Variants in FBLN1 observed in about 807,000 individuals in gnomAD.
FBLN1 encodes the protein fibulin-1.
Under a neutral mutation model 89.7 loss-of-function variants are expected in FBLN1, and 34 were observed. The ratio of observed to expected loss-of-function variants is 0.38; its 90% CI spans 0.29 to 0.50. The LOEUF (loss-of-function observed/expected upper bound fraction) is 0.50, where lower values mean the gene tolerates loss of function less well. Ranked by LOEUF, FBLN1 falls within the 20% of genes least tolerant of loss-of-function variation. The pLI is 0.92. For synonymous variants in FBLN1, 393 were observed against 391.3 expected (o/e 1.00, Z -0.05); for missense variants, 777 against 988.1 (o/e 0.79, Z 2.86).
Position 45,532,842 on chromosome 22 carries a change from G to T in FBLN1, c.545-221G>T. 1 of 602,284 alleles carries T rather than the reference G, an allele frequency of 1.7e-6. No individual in the cohort carries two copies. The highest frequency in any genetic ancestry group is 2.8e-5 in the East Asian group (1 of 35,886). 37.3% of individuals were successfully genotyped at this position (602,284 alleles called of 1,614,324 possible). On this transcript the variant is annotated intron_variant, in intron 5 of 16. Transcript: ENST00000327858. The surrounding 1 kb of genome is among the most constrained non-coding windows in gnomAD (Gnocchi z 4.2). ...ACCCTGCACACCACCTGATTTTCCA[G>T]ACGGGGAGGTTGGGACCTGAAGCAG... is the stretch of plus-strand genomic sequence containing the variant.
rs904585906 is a variant in FBLN1, at chr22:45,502,973, T to TCGCCCGC, written c.-7_-1dup. ...TTTGTCCGCCGCCGCCCACCGCCCG[T>TCGCCCGC]CGCCCGCCGCCCATGGAGCGCGCCG... On this transcript the variant is annotated 5_prime_UTR_variant, in exon 1 of 17. Coordinates refer to ENST00000327858, the MANE Select transcript of FBLN1 (RefSeq NM_006486.3). The TCGCCCGC allele has an allele frequency of 6.9e-6, 8 of 1,162,574 alleles. No homozygotes were observed. The highest frequency in any genetic ancestry group is 6.5e-5 in the African/African-American group (4 of 61,246). 72.0% of individuals were successfully genotyped at this position (1,162,574 alleles called of 1,614,324 possible).
At position 45,576,071 on chromosome 22, in the gene FBLN1, C is replaced by T. The variant is rs377566407; in HGVS notation, c.1841-906C>T. Among the ~76,000 whole-genome samples, 20 of 152,170 alleles carry T rather than the reference C, an allele frequency of 1.3e-4. 1 individual carries two copies. In the East Asian group the frequency reaches 1.3e-3, roughly 10 times the overall value. ...GGGGGGAGGAGAGGCTCCCTCAGCA[C>T]GTGGTTGCCCAAGGAGCCGTCCCCA... On this transcript the variant is annotated intron_variant, in intron 15 of 16. Coordinates refer to ENST00000327858, the MANE Select transcript of FBLN1 (RefSeq NM_006486.3). The surrounding 1 kb of genome is among the most constrained non-coding windows in gnomAD (Gnocchi z 5.2).
rs2088848974 is a variant in FBLN1, at chr22:45,561,380, A to G, written c.1697+10765A>G. Among the ~76,000 whole-genome samples, 1 of 152,226 alleles carries G rather than the reference A, an allele frequency of 6.6e-6. No individual in the cohort carries two copies. On this transcript the variant is annotated intron_variant, in intron 14 of 16. Transcript: ENST00000327858. The surrounding 1 kb of genome is among the most constrained non-coding windows in gnomAD (Gnocchi z 4.7). ...TTTCATCACTTTGTCCACTAAACTT[A>G]GGAGCAACCAACCAGCTTCATTATG...
chr22:45,552,304 T>A (rs1195950563), intron 14 of FBLN1, among the ~76,000 whole-genome samples: 3 of 151,586 alleles, frequency 2.0e-5, no homozygotes, highest in African/African-American at 2.4e-5. Flanking sequence ...GCGGCGGGAG[T>A]ATGGACACAT....
rs113987114 is a variant in FBLN1, at chr22:45,534,884, A to G, written c.785-316A>G. Among the ~76,000 whole-genome samples, 224 of 152,334 alleles carry G rather than the reference A, an allele frequency of 1.5e-3. 2 individuals carry two copies. Among genetic ancestry groups the G allele is most frequent in the African/African-American group, 5.1e-3 (212 of 41,580 alleles). ...CACTAAGATAATTGCTTTATGATCTAAACTAAACATACACTTAGCCTGAAT... is the reference window on the plus strand; with the variant it reads ...CACTAAGATAATTGCTTTATGATCTGAACTAAACATACACTTAGCCTGAAT... On this transcript the variant is annotated intron_variant, in intron 7 of 16. Coordinates refer to ENST00000327858, the MANE Select transcript of FBLN1 (RefSeq NM_006486.3).
At position 45,574,214 on chromosome 22, in the gene FBLN1, G is replaced by A. The variant is rs2088974567; in HGVS notation, c.1698-297G>A. On this transcript the variant is annotated intron_variant, in intron 14 of 16. Coordinates refer to ENST00000327858, the MANE Select transcript of FBLN1 (RefSeq NM_006486.3). This position sits in a 1 kb window ranked among gnomAD's most constrained non-coding sequence, Gnocchi z 4.1. ...CCTGTGACTCTATTTTGCCATTGTA[G>A]CTATTGATGCTCAATTCGTGCAGTT... 6.6e-6 allele frequency among the ~76,000 whole-genome samples: 1 copy of A among 152,236 alleles called. No individual in the cohort carries two copies. The highest frequency in any genetic ancestry group is 1.5e-5 in the Non-Finnish European group (1 of 68,044).
intron 11 of FBLN1, 128 bp from the exon 12 acceptor site, chr22:45,546,957 C>A: frequency 6.8e-7 from 1 of 1,467,242 alleles, no homozygotes; most frequent in Non-Finnish European, 9.4e-7. Flanking sequence ...CCCCCGGGAC[C>A]TCTGTCTCTC....
chr22:45,539,103 C>T (rs1435143914), intron 8 of FBLN1, among the ~76,000 whole-genome samples: 1 of 126,164 alleles, frequency 7.9e-6, no homozygotes, highest in African/African-American at 3.0e-5. Context: ...CTCCCCCTCC[C>T]TTCTCCTCTT....
At chr22:45,541,085 T>G in intron 8 of FBLN1, 144 bp from the exon 9 acceptor site, 1 of 1,023,800 alleles carries the variant, frequency 9.8e-7, no homozygotes, top group Non-Finnish European at 1.5e-6. Context: ...GAGGCGGCTG[T>G]GTGGTCCAGA....
In FBLN1 at chr22:45,563,135, G is replaced by A. The variant is rs754124526; in HGVS notation, c.1698-11376G>A. The A allele has an allele frequency of 2.5e-6, 4 of 1,613,314 alleles. No individual in the cohort carries two copies. The highest frequency in any genetic ancestry group is 1.3e-5 in the African/African-American group (1 of 74,908). ...CCGGAAGGTGAGCCCCCACAGTGGG[G>A]TGGTGGCCCTCACCAAGCCTGTCCC... On this transcript the variant is annotated intron_variant, in intron 14 of 16. Transcript: ENST00000327858. The surrounding 1 kb of genome is among the most constrained non-coding windows in gnomAD (Gnocchi z 5.7).
rs1048762601 is a variant in FBLN1 at position 45,551,026 on chromosome 22, C to T, written c.1697+411C>T. On this transcript the variant is annotated intron_variant, in intron 14 of 16. Coordinates refer to ENST00000327858, the MANE Select transcript of FBLN1 (RefSeq NM_006486.3). ...CCATGTCAGCCCAAAGCCAGGGAGC[C>T]GATGTGACCTGTTGGACGTTGTTGT... 6.6e-5 allele frequency: 20 copies of T among 303,788 alleles called. 1 individual carries two copies. The East Asian group carries it at 1.4e-3, about 22-fold the overall frequency. The allele number at this position is 303,788 out of a possible 1,614,324, so 18.8% of individuals were successfully genotyped here.
rs945445208 is a variant in FBLN1, at chr22:45,505,866, A to G, written c.79+2802A>G. On this transcript the variant is annotated intron_variant, in intron 1 of 16. Transcript: ENST00000327858. ...GACTCACTGCAACCTCCGCCTCCCGAGTTGAAGCGATTCTCCTGCTTCAGC... is the reference window on the plus strand; with the variant it reads ...GACTCACTGCAACCTCCGCCTCCCGGGTTGAAGCGATTCTCCTGCTTCAGC... Among the ~76,000 whole-genome samples, 18 of 152,172 alleles carry G rather than the reference A, an allele frequency of 1.2e-4. No homozygotes were observed. In the Middle Eastern group the frequency reaches 0.017, roughly 144 times the overall value.
rs1366431455 is a variant in FBLN1, at chr22:45,525,478, C to T, written c.186-65C>T. The T allele has an allele frequency of 2.2e-5, 33 of 1,503,032 alleles. No individual in the cohort carries two copies. The East Asian group carries it at 6.2e-4, about 28-fold the overall frequency. The allele number at this position is 1,503,032 out of a possible 1,614,324, so 93.1% of individuals were successfully genotyped here. A position where few individuals can be genotyped will look rare whatever the true frequency, so the allele number is the denominator to read the frequency against. ...TCAAAGGTGAGAGCACCCCCACCCCCGAGGATCTCGTGCCCTGGGCCCCCT... is the reference window on the plus strand; with the variant it reads ...TCAAAGGTGAGAGCACCCCCACCCCTGAGGATCTCGTGCCCTGGGCCCCCT... On this transcript the variant is annotated intron_variant, in intron 2 of 16. Transcript: ENST00000327858.
At chr22:45,541,157 G>A (rs2088550268) in intron 8 of FBLN1, 72 bp from the exon 9 acceptor site, 1 of 1,596,946 alleles carries the variant, frequency 6.3e-7, no homozygotes, top group Non-Finnish European at 8.6e-7. Context: ...GAGTTTCTTT[G>A]GAGATCCAGT....
At chr22:45,506,757 G>C (rs527295745) in intron 1 of FBLN1, among the ~76,000 whole-genome samples, 86 of 152,298 alleles carry the variant, frequency 5.6e-4, no homozygotes, top group African/African-American at 2.0e-3. Flanking sequence ...CACTGGGGGA[G>C]ACTGTGCTGT....
rs908994213 is a variant in FBLN1 at position 45,537,290 on chromosome 22, CA to C, written c.922+1954del. On this transcript the variant is annotated intron_variant, in intron 8 of 16. Transcript: ENST00000327858. The surrounding 1 kb of genome is among the most constrained non-coding windows in gnomAD (Gnocchi z 5.7). Reference sequence around the variant, plus strand: ...TGGTTTGGAGAGAGAGCTCTTCCCCCACTGCATTATTTTTAACCACTGAGAT... The same window carrying C: ...TGGTTTGGAGAGAGAGCTCTTCCCCCCTGCATTATTTTTAACCACTGAGAT... Among the ~76,000 whole-genome samples, 28 of 152,250 alleles carry C rather than the reference CA, an allele frequency of 1.8e-4. No individual in the cohort carries two copies. Among genetic ancestry groups the C allele is most frequent in the African/African-American group, 6.7e-4 (28 of 41,554 alleles).
chr22:45,520,919 G>A (rs947072737), intron 2 of FBLN1, among the ~76,000 whole-genome samples: 3 of 152,108 alleles, frequency 2.0e-5, no homozygotes, highest in Non-Finnish European at 2.9e-5. Flanking sequence ...AGATTCAGGC[G>A]ATTCTCCTGC....
intron 14 of FBLN1, among the ~76,000 whole-genome samples, chr22:45,569,337 G>A (rs1238817099): frequency 6.6e-6 from 1 of 152,148 alleles, no homozygotes; most frequent in Non-Finnish European, 1.5e-5. Flanking sequence ...TACAGCAGGA[G>A]TTCTTATAAG....
At chr22:45,598,743 A>C (rs1324245852) in intron 16 of FBLN1, among the ~76,000 whole-genome samples, 1 of 152,234 alleles carries the variant, frequency 6.6e-6, no homozygotes, top group Non-Finnish European at 1.5e-5. Flanking sequence ...ACATGTGTGC[A>C]TGCGAAGGGG....
Sources: allele counts gnomAD v4.1 joint callset (sites outside exome capture counted in the v4.1 genomes callset), GRCh38; gene constraint gnomAD v4.1.1; non-coding constraint Gnocchi (gnomAD v3.1); transcripts MANE v1.5; gene names NCBI Gene and HGNC (gene_info 2026-07-23, HGNC 2026-07-21).